The following DEGS1 variants were observed in gnomAD, a reference collection of about 807,000 sequenced individuals.
The protein encoded by DEGS1 is delta 4-desaturase, sphingolipid 1.
Under a neutral mutation model 24.1 loss-of-function variants are expected in DEGS1, and 17 were observed. The ratio of observed to expected loss-of-function variants is 0.70; its 90% CI spans 0.48 to 1.06. DEGS1 has a LOEUF of 1.06. Ranked by LOEUF, DEGS1 falls within the 50% of genes least tolerant of loss-of-function variation. The pLI is 0.00. For synonymous variants in DEGS1, 134 were observed against 140.0 expected (o/e 0.96, Z 0.30); for missense variants, 366 against 408.9 (o/e 0.90, Z 0.91).
chr1:224,187,351 T>C (rs1658420521), intron 1 of DEGS1, among the ~76,000 whole-genome samples: 1 of 152,054 alleles, frequency 6.6e-6, no homozygotes. Context: ...TCCTTCACTG[T>C]TATACTTTAA....
chr1:224,187,812 AG>A (rs1658433866), intron 1 of DEGS1, among the ~76,000 whole-genome samples: 1 of 152,200 alleles, frequency 6.6e-6, no homozygotes, highest in African/African-American at 2.4e-5. Flanking sequence ...ACTCATTAGC[AG>A]TCCCTCATAT....
intron 1 of DEGS1, among the ~76,000 whole-genome samples, chr1:224,189,200 A>AG (rs1379388111): frequency 1.3e-5 from 2 of 152,198 alleles, no homozygotes; most frequent in Non-Finnish European, 2.9e-5. Context: ...TCATGATTTT[A>AG]GGGTAACTAC....
At position 224,189,647 on chromosome 1, in the gene DEGS1, T is replaced by A; in HGVS notation, c.153T>A (p.Val51=). The A allele has an allele frequency of 6.2e-7, 1 of 1,613,556 alleles. No homozygotes were observed. The highest frequency in any genetic ancestry group is 8.5e-7 in the Non-Finnish European group (1 of 1,179,496). ...PNLIWIIIMM[V]LTQLGAFYIV... ...TGATATGGATTATAATTATGATGGT[T>A]CTCACCCAGTTGGGTGCATTTTACA... Residue 51 remains valine (V), a synonymous_variant, in exon 2 of 3, where the codon GTT becomes GTA. Transcript: ENST00000323699.
In DEGS1 at chr1:224,183,295, G is replaced by C. The variant is rs1193412951; in HGVS notation, c.-42G>C. 3 of 1,462,128 alleles carry C rather than the reference G, an allele frequency of 2.1e-6. No homozygotes were observed. The highest frequency in any genetic ancestry group is 2.7e-5 in the South Asian group (2 of 75,228). 90.6% of individuals were successfully genotyped at this position (1,462,128 alleles called of 1,614,324 possible). ...CCGCCACCTCTGAGCAGCCGGCTGG[G>C]AGCGAGAGCCGACAGCTAGTCTGCA... On this transcript the variant is annotated 5_prime_UTR_variant, in exon 1 of 3. Coordinates refer to ENST00000323699, the MANE Select transcript of DEGS1 (RefSeq NM_003676.4).
chr1:224,185,872 C>T (rs1012509772), intron 1 of DEGS1, among the ~76,000 whole-genome samples: 1 of 152,122 alleles, frequency 6.6e-6, no homozygotes, highest in Non-Finnish European at 1.5e-5. Context: ...TAAAAACCAA[C>T]TCTGGAATAC....
intron 1 of DEGS1, among the ~76,000 whole-genome samples, chr1:224,189,036 G>T (rs183343301): frequency 3.5e-3 from 532 of 152,124 alleles, no homozygotes; most frequent in Non-Finnish European, 5.3e-3. Context: ...ATAACAAGTC[G>T]GTCTAGCACC....
intron 1 of DEGS1, among the ~76,000 whole-genome samples, chr1:224,186,451 C>T (rs900299049): frequency 1.1e-4 from 16 of 152,138 alleles, no homozygotes; most frequent in African/African-American, 3.6e-4. Flanking sequence ...TGGTGGCTCA[C>T]GCCTGTAATC....
At chr1:224,192,306 A>T in intron 2 of DEGS1, 26 bp from the exon 3 acceptor site, 1 of 1,597,780 alleles carries the variant, frequency 6.3e-7, no homozygotes, top group South Asian at 1.1e-5. Flanking sequence ...CTCATTTTTC[A>T]TCTTGCTGTA....
chr1:224,187,954 A>C (rs1658436936), intron 1 of DEGS1, among the ~76,000 whole-genome samples: 1 of 98,404 alleles, frequency 1.0e-5, no homozygotes, highest in Non-Finnish European at 2.4e-5. Context: ...GCATAATATA[A>C]ATTTTTTTTT....
At chr1:224,185,598 C>G (rs1171314351) in intron 1 of DEGS1, among the ~76,000 whole-genome samples, 9 of 152,188 alleles carry the variant, frequency 5.9e-5, no homozygotes, top group Non-Finnish European at 1.3e-4. Context: ...CTCCTGGGTT[C>G]AAGCAGTTCT....
rs760043727 is a variant in DEGS1, at chr1:224,190,251, A to G, written c.757A>G (p.Thr253Ala). ...YSYYGPLNLL[T>A]FNVGYHNEHH... Reference sequence around the variant, plus strand: ...ATATTATGGGCCTCTGAATTTACTTACCTTCAATGTGGGTTATCATAATGA... The same window carrying G: ...ATATTATGGGCCTCTGAATTTACTTGCCTTCAATGTGGGTTATCATAATGA... The change falls in exon 2 of 3, where the codon ACC (threonine) becomes GCC (alanine). Residue 253 changes from threonine (T) to alanine (A), a missense_variant. Transcript: ENST00000323699. The G allele has an allele frequency of 9.2e-6, 14 of 1,513,880 alleles. No individual in the cohort carries two copies. Among genetic ancestry groups the G allele is most frequent in the Non-Finnish European group, 1.2e-5 (14 of 1,134,406 alleles). 93.8% of individuals were successfully genotyped at this position (1,513,880 alleles called of 1,614,324 possible).
rs541302381 is a variant in DEGS1 at position 224,192,945 on chromosome 1, A to G, written c.*467A>G. On this transcript the variant is annotated 3_prime_UTR_variant, in exon 3 of 3. Transcript: ENST00000323699. ...GGCACATGCCTGTAATCCCAGCTAC[A>G]TGGGAGGCTGAGGTGGGAGAATTGC... is the stretch of plus-strand genomic sequence containing the variant. 2 of 157,788 alleles carry G rather than the reference A, an allele frequency of 1.3e-5. No individual in the cohort carries two copies. The highest frequency in any genetic ancestry group is 2.4e-5 in the African/African-American group (1 of 41,600). 9.8% of individuals were successfully genotyped at this position (157,788 alleles called of 1,614,324 possible). A position where few individuals can be genotyped will look rare whatever the true frequency, so the allele number is the denominator to read the frequency against.
intron 1 of DEGS1, among the ~76,000 whole-genome samples, chr1:224,186,942 C>T (rs1056146428): frequency 1.3e-5 from 2 of 151,990 alleles, no homozygotes; most frequent in Non-Finnish European, 2.9e-5. Context: ...GATAGAACAA[C>T]CAACAATTGT....
rs772799051 is a variant in DEGS1, at chr1:224,190,064, C to T, written c.570C>T (p.Thr190=). Residue 190 remains threonine (T), a synonymous_variant, in exon 2 of 3, where the codon ACC becomes ACT. Coordinates refer to ENST00000323699, the MANE Select transcript of DEGS1 (RefSeq NM_003676.4). ...TTACGTATCTGGAAGTTATCAATAC[C>T]GTGGCACAGGTCACTTTTGACATTT... ...KPITYLEVIN[T]VAQVTFDILI... 44 of 1,614,034 alleles carry T rather than the reference C, an allele frequency of 2.7e-5. No homozygotes were observed. The highest frequency in any genetic ancestry group is 5.3e-5 in the African/African-American group (4 of 74,922).
chr1:224,189,732 A>G lies in DEGS1; in HGVS notation c.238A>G (p.Ile80Val). 1 of 1,614,214 alleles carries G rather than the reference A, an allele frequency of 6.2e-7. No homozygotes were observed. The highest frequency in any genetic ancestry group is 8.5e-7 in the Non-Finnish European group (1 of 1,180,032). The change falls in exon 2 of 3, where the codon ATT becomes GTT. Residue 80 changes from isoleucine (I) to valine (V), a missense_variant. Physicochemically the swap from Ile to Val is conservative, Grantham distance 29. Coordinates refer to ENST00000323699, the MANE Select transcript of DEGS1 (RefSeq NM_003676.4). ...TGGGGCCTATGCGTTTGGCAGTTGCATTAACCACTCAATGACTCTGGCTAT... is the reference window on the plus strand; with the variant it reads ...TGGGGCCTATGCGTTTGGCAGTTGCGTTAACCACTCAATGACTCTGGCTAT... ...IFGAYAFGSC[I>V]NHSMTLAIHE...
rs1230369803 is a variant in DEGS1, at chr1:224,183,281, G to A, written c.-56G>A. 2 of 1,443,434 alleles carry A rather than the reference G, an allele frequency of 1.4e-6. No homozygotes were observed. The highest frequency in any genetic ancestry group is 1.5e-5 in the African/African-American group (1 of 67,296). 89.4% of individuals were successfully genotyped at this position (1,443,434 alleles called of 1,614,324 possible). On this transcript the variant is annotated 5_prime_UTR_variant, in exon 1 of 3. Coordinates refer to ENST00000323699, the MANE Select transcript of DEGS1 (RefSeq NM_003676.4). ...AGCCGCCGCCGCCGCCGCCACCTCTGAGCAGCCGGCTGGGAGCGAGAGCCG... is the reference window on the plus strand; with the variant it reads ...AGCCGCCGCCGCCGCCGCCACCTCTAAGCAGCCGGCTGGGAGCGAGAGCCG...
chr1:224,186,140 C>CA (rs755807761), intron 1 of DEGS1, among the ~76,000 whole-genome samples: 176 of 143,676 alleles, frequency 1.2e-3, no homozygotes, highest in African/African-American at 2.0e-3. Flanking sequence ...CCATCTCTAC[C>CA]AAAAAAAAAA....
intron 2 of DEGS1, among the ~76,000 whole-genome samples, chr1:224,190,731 C>CT (rs1658516905): frequency 6.6e-6 from 1 of 151,712 alleles, no homozygotes; most frequent in African/African-American, 2.4e-5. Context: ...TATTTTTTAA[C>CT]TTTATGTTTT....
intron 1 of DEGS1, chr1:224,183,881 T>TGC (rs1658306036): frequency 6.5e-6 from 1 of 153,010 alleles, no homozygotes; most frequent in Non-Finnish European, 1.5e-5. Flanking sequence ...CAGGGTGTGG[T>TGC]CCTGGGCATC....
Sources: gnomAD v4.1 joint callset for allele counts (sites outside exome capture counted in the v4.1 genomes callset) on GRCh38, gnomAD v4.1.1 for gene constraint, MANE v1.5 for transcripts, NCBI Gene and HGNC (gene_info 2026-07-23, HGNC 2026-07-21) for gene names.